The following RTF2 variants were observed in gnomAD, a reference collection of about 807,000 sequenced individuals.
RTF2 encodes the protein replication termination factor 2.
RTF2 carries 18 observed loss-of-function variants against 38.0 expected under a neutral mutation model. That is an observed-to-expected ratio of 0.47 (90% confidence interval 0.33 to 0.70). RTF2 has a LOEUF of 0.70. RTF2 is among the 30% of genes least tolerant of loss of function. RTF2 has a pLI of 0.02. For missense variants in RTF2, 311 were observed against 379.6 expected (o/e 0.82, Z 1.50); for synonymous variants, 126 against 137.1 (o/e 0.92, Z 0.57).
At chr20:56,517,306 C>T (rs1380026514) in intron 8 of RTF2, 105 bp downstream of exon 8, 1 of 834,488 alleles carries the variant, frequency 1.2e-6, no homozygotes, top group Non-Finnish European at 2.0e-6. Context: ...CCAAGCCTGT[C>T]CTATGTCATG....
chr20:56,502,673 A>G (rs1374578368), intron 5 of RTF2, among the ~76,000 whole-genome samples: 1 of 152,236 alleles, frequency 6.6e-6, no homozygotes, highest in African/African-American at 2.4e-5. Flanking sequence ...TTTGCCATAT[A>G]TTCTAGCATA....
At chr20:56,482,835 G>A (rs1015851905) in intron 4 of RTF2, among the ~76,000 whole-genome samples, 1 of 152,164 alleles carries the variant, frequency 6.6e-6, no homozygotes, top group African/African-American at 2.4e-5. Flanking sequence ...CAGCCGCGGT[G>A]GAGGCATTAT....
intron 5 of RTF2, among the ~76,000 whole-genome samples, chr20:56,484,540 A>G (rs906942149): frequency 1.3e-5 from 2 of 152,132 alleles, no homozygotes; most frequent in Non-Finnish European, 2.9e-5. Context: ...ACATTCCCCA[A>G]GCACCTTGTT....
chr20:56,469,141 C>G (rs7269462), intron 1 of RTF2, among the ~76,000 whole-genome samples: 3,622 of 152,280 alleles, frequency 0.024, 154 homozygotes, highest in African/African-American at 0.082. Context: ...AATACAAATA[C>G]CTAGTGTATA....
Position 56,484,183 on chromosome 20 carries a change from C to T in RTF2, c.471C>T (p.Cys157=), listed in dbSNP as rs1212584292. Residue 157 remains cysteine (C), a synonymous_variant, in exon 5 of 9, where the codon TGC becomes TGT. Coordinates refer to ENST00000357348, the MANE Select transcript of RTF2 (RefSeq NM_016407.5). ...TGAAAGAGATAAAAGCGGAAGTTTG[C>T]CACACGGTGAGTTCCTGACATGTAC... The part of the protein sequence containing the change: ...RALKEIKAEV[C]HTCGAAFQED... 11 of 1,613,116 alleles carry T rather than the reference C, an allele frequency of 6.8e-6. No homozygotes were observed. The highest frequency in any genetic ancestry group is 1.6e-4 in the Middle Eastern group (1 of 6,082).
chr20:56,511,641 G>GT (rs964406554), intron 5 of RTF2, among the ~76,000 whole-genome samples: 1 of 152,054 alleles, frequency 6.6e-6, no homozygotes, highest in Admixed American at 6.6e-5. Flanking sequence ...CTCTGTGGGG[G>GT]GGCCATCCTG....
intron 1 of RTF2, chr20:56,472,374 G>T (rs1276608856): frequency 6.5e-7 from 1 of 1,547,960 alleles, no homozygotes; most frequent in African/African-American, 1.4e-5. Flanking sequence ...ACACAGTGAA[G>T]GAAAAAACAA....
At chr20:56,517,776 A>T (rs1325171726) in intron 8 of RTF2, among the ~76,000 whole-genome samples, 1 of 152,210 alleles carries the variant, frequency 6.6e-6, no homozygotes, top group Non-Finnish European at 1.5e-5. Flanking sequence ...TCCCGGCTCT[A>T]CATGGGACAG....
intron 5 of RTF2, chr20:56,495,080 A>G: frequency 2.9e-6 from 2 of 698,942 alleles, no homozygotes; most frequent in Non-Finnish European, 4.8e-6. Context: ...TAATTGGATC[A>G]TCACTAATTC....
At chr20:56,474,462 CAA>C (rs543496837) in intron 2 of RTF2, among the ~76,000 whole-genome samples, 54 of 152,286 alleles carry the variant, frequency 3.5e-4, no homozygotes, top group African/African-American at 1.2e-3. Flanking sequence ...GCCGGGGTGA[CAA>C]GAGTGAAACT....
chr20:56,488,535 G>C (rs1042280587), intron 5 of RTF2, among the ~76,000 whole-genome samples: 1 of 152,200 alleles, frequency 6.6e-6, no homozygotes, highest in African/African-American at 2.4e-5. Flanking sequence ...TTTTCATGGA[G>C]GGGGTGGAGT....
At chr20:56,482,927 G>C (rs926479066) in intron 4 of RTF2, among the ~76,000 whole-genome samples, 1 of 152,196 alleles carries the variant, frequency 6.6e-6, no homozygotes, top group African/African-American at 2.4e-5. Context: ...TATAGACGTA[G>C]AAATCGACAC....
chr20:56,517,967 TCA>T, intron 8 of RTF2, 118 bp from the exon 9 acceptor site: 2 of 967,752 alleles, frequency 2.1e-6, no homozygotes, highest in Non-Finnish European at 3.1e-6. Context: ...CCGCCAGCAC[TCA>T]CACAGCCAGC....
intron 5 of RTF2, among the ~76,000 whole-genome samples, chr20:56,495,911 G>A (rs943465146): frequency 6.6e-6 from 1 of 152,196 alleles, no homozygotes; most frequent in Non-Finnish European, 1.5e-5. Flanking sequence ...TATCAGATTT[G>A]CCACAAAATC....
In RTF2 at chr20:56,517,141, C is replaced by T. The variant is rs1218672604; in HGVS notation, c.682C>T (p.Pro228Ser). The T allele has an allele frequency of 2.5e-6, 4 of 1,614,022 alleles. No homozygotes were observed. The highest frequency in any genetic ancestry group is 3.4e-6 in the Non-Finnish European group (4 of 1,180,046). ...PGPSKVKTGK[P>S]EEASLDSREK... ...GCCATCAAAAGTTAAGACAGGGAAG[C>T]CTGAAGAAGCCAGCCTTGATTCTAG... Residue 228 changes from proline to serine, a missense_variant, in exon 8 of 9, where the codon CCT (proline) becomes TCT (serine). Coordinates refer to ENST00000357348, the MANE Select transcript of RTF2 (RefSeq NM_016407.5).
chr20:56,492,064 G>A (rs1213774480), intron 5 of RTF2, among the ~76,000 whole-genome samples: 3 of 152,112 alleles, frequency 2.0e-5, no homozygotes, highest in South Asian at 2.1e-4. Flanking sequence ...ACGCGCACAC[G>A]AGAGATAAGC....
In RTF2 at chr20:56,518,230, G is replaced by A; in HGVS notation, c.886G>A (p.Ala296Thr). 1 of 1,613,954 alleles carries A rather than the reference G, an allele frequency of 6.2e-7. No homozygotes were observed. Among genetic ancestry groups the A allele is most frequent in the East Asian group, 2.2e-5 (1 of 44,876 alleles). The change falls in exon 9 of 9, where the codon GCC becomes ACC. Residue 296 changes from alanine to threonine, a missense_variant. Physicochemically the swap from Ala to Thr is moderately conservative, Grantham distance 58. Coordinates refer to ENST00000357348, the MANE Select transcript of RTF2 (RefSeq NM_016407.5). Reference protein sequence around the residue: ...SSAKRSKEESAHWVTHTSYCF With the variant: ...SSAKRSKEESTHWVTHTSYCF The stretch of plus-strand genomic sequence containing the variant: ...CGCCAAGCGCTCCAAGGAGGAGTCT[G>A]CCCACTGGGTCACCCACACGTCCTA...
Position 56,473,410 on chromosome 20 carries a change from CT to C in RTF2, c.164+17del. On this transcript the variant is annotated intron_variant, in intron 2 of 8. Coordinates refer to ENST00000357348, the MANE Select transcript of RTF2 (RefSeq NM_016407.5). Reference sequence around the variant, plus strand: ...GAACTTGGCAGGTATGGTTTTTACACTTAATCAAGATGAGTTTGTTAAGTGA... The same window carrying C: ...GAACTTGGCAGGTATGGTTTTTACACTAATCAAGATGAGTTTGTTAAGTGA... 1 of 1,550,786 alleles carries C rather than the reference CT, an allele frequency of 6.4e-7. No individual in the cohort carries two copies. Among genetic ancestry groups the C allele is most frequent in the Non-Finnish European group, 8.9e-7 (1 of 1,128,464 alleles).
Position 56,490,757 on chromosome 20 carries a change from C to T in RTF2, c.477+6568C>T, listed in dbSNP as rs150387301. On this transcript the variant is annotated intron_variant, in intron 5 of 8. Transcript: ENST00000357348. Reference sequence around the variant, plus strand: ...GCTTGAACCTGGGAGGCAGAGATTGCGGTGAGCCGAGATCGTGCCATTGCA... The same window carrying T: ...GCTTGAACCTGGGAGGCAGAGATTGTGGTGAGCCGAGATCGTGCCATTGCA... Among the ~76,000 whole-genome samples the T allele has an allele frequency of 3.1e-3, 476 of 152,308 alleles. 2 individuals carry two copies. Among genetic ancestry groups the T allele is most frequent in the African/African-American group, 0.011 (452 of 41,560 alleles).
Sources: gnomAD v4.1 joint callset for allele counts (sites outside exome capture counted in the v4.1 genomes callset) on GRCh38, gnomAD v4.1.1 for gene constraint, MANE v1.5 for transcripts, NCBI Gene and HGNC (gene_info 2026-07-23, HGNC 2026-07-21) for gene names.